Variants in SLC35F4 observed in about 807,000 individuals in gnomAD.
The protein encoded by SLC35F4 is solute carrier family 35 member F4.
Under a neutral mutation model 44.2 loss-of-function variants are expected in SLC35F4, and 24 were observed. The ratio of observed to expected loss-of-function variants is 0.54; its 90% CI spans 0.39 to 0.76. The LOEUF (loss-of-function observed/expected upper bound fraction) is 0.76, where lower values mean the gene tolerates loss of function less well. Ranked by LOEUF, SLC35F4 falls within the 30% of genes least tolerant of loss-of-function variation. The pLI, the probability that SLC35F4 is intolerant of heterozygous loss-of-function variation, is 0.00. For missense variants in SLC35F4, 562 were observed against 586.1 expected, an observed-to-expected ratio of 0.96 and a Z score of 0.42; for synonymous variants, 238 against 223.6, an observed-to-expected ratio of 1.06 and a Z score of -0.57.
chr14:57,578,216 A>T (rs2068939244), intron 4 of SLC35F4, among the ~76,000 whole-genome samples: 1 of 151,848 alleles, frequency 6.6e-6, no homozygotes, highest in Non-Finnish European at 1.5e-5. Context: ...TGGGGAGCTA[A>T]GCATATGAAA....
chr14:57,911,525 G>A (rs1889216473), intron 1 of SLC35F4, among the ~76,000 whole-genome samples: 3 of 151,988 alleles, frequency 2.0e-5, no homozygotes, highest in South Asian at 4.1e-4. Flanking sequence ...CTGCTTTTCT[G>A]CATCTATTGA....
rs1356481053 is a variant in SLC35F4, at chr14:57,865,992, G to A, written c.-167C>T. The A allele has an allele frequency of 1.5e-5, 4 of 266,416 alleles. No individual in the cohort carries two copies. The highest frequency in any genetic ancestry group is 1.2e-3 in the Middle Eastern group (1 of 858). The allele number at this position is 266,416 out of a possible 1,614,324, so 16.5% of individuals were successfully genotyped here. A position where few individuals can be genotyped will look rare whatever the true frequency, so the allele number is the denominator to read the frequency against. On this transcript the variant is annotated 5_prime_UTR_variant, in exon 1 of 8. Transcript: ENST00000556826. The stretch of plus-strand genomic sequence containing the variant: ...CGCAGCACCGGCTCCGCATCACAGC[G>A]GCGGCGGCGGCGGCGGCGGCGGAGC...
chr14:57,772,207 G>A (rs1473083346), intron 1 of SLC35F4, among the ~76,000 whole-genome samples: 1 of 152,154 alleles, frequency 6.6e-6, no homozygotes, highest in African/African-American at 2.4e-5. Flanking sequence ...GAGAAATTTT[G>A]CTCAAATTTT....
chr14:57,844,359 T>C (rs541229562), intron 1 of SLC35F4, among the ~76,000 whole-genome samples: 33 of 152,348 alleles, frequency 2.2e-4, no homozygotes, highest in African/African-American at 7.7e-4. Context: ...GGGGCAAGAC[T>C]GTAAGACCAA....
chr14:57,957,778 T>C (rs1268480738), intron 1 of SLC35F4, among the ~76,000 whole-genome samples: 1 of 152,216 alleles, frequency 6.6e-6, no homozygotes, highest in African/African-American at 2.4e-5. Flanking sequence ...CAGTGCAACC[T>C]GAGGCAAGTC....
At chr14:57,681,296 T>C (rs1421394262) in intron 1 of SLC35F4, among the ~76,000 whole-genome samples, 4 of 152,042 alleles carry the variant, frequency 2.6e-5, no homozygotes, top group African/African-American at 9.7e-5. Flanking sequence ...TAATAAATGG[T>C]GTTGGGAAAA....
intron 1 of SLC35F4, among the ~76,000 whole-genome samples, chr14:57,929,848 A>T (rs1484295607): frequency 1.3e-5 from 2 of 152,208 alleles, no homozygotes; most frequent in South Asian, 2.1e-4. Context: ...CCCAACACGC[A>T]TCTAGACCCT....
At chr14:57,932,265 A>T (rs766480296) in intron 1 of SLC35F4, among the ~76,000 whole-genome samples, 13 of 152,266 alleles carry the variant, frequency 8.5e-5, no homozygotes, top group Admixed American at 1.3e-4. Context: ...TTGTTCTCTG[A>T]TGGATTCTTC....
chr14:57,701,009 T>TA (rs1442476455), intron 1 of SLC35F4, among the ~76,000 whole-genome samples: 1 of 152,150 alleles, frequency 6.6e-6, no homozygotes, highest in African/African-American at 2.4e-5. Flanking sequence ...CTGTCTTTTT[T>TA]ATGTACCTAT....
At chr14:57,733,107 C>T (rs1355677501) in intron 1 of SLC35F4, among the ~76,000 whole-genome samples, 2 of 152,140 alleles carry the variant, frequency 1.3e-5, no homozygotes, top group Non-Finnish European at 2.9e-5. Context: ...AGGAGCTGTG[C>T]TGCTTTGCCT....
chr14:57,742,912 A>G (rs1159797998), intron 1 of SLC35F4, among the ~76,000 whole-genome samples: 1 of 152,246 alleles, frequency 6.6e-6, no homozygotes, highest in Non-Finnish European at 1.5e-5. Flanking sequence ...ACTCAGGATA[A>G]GAAACTCACT....
intron 1 of SLC35F4, among the ~76,000 whole-genome samples, chr14:57,714,803 C>T (rs1270974816): frequency 7.5e-6 from 1 of 133,222 alleles, no homozygotes; most frequent in Non-Finnish European, 1.6e-5. Context: ...GGTATAAGCC[C>T]AGAAGAGGAC....
intron 1 of SLC35F4, among the ~76,000 whole-genome samples, chr14:57,872,350 T>C (rs1165912390): frequency 1.3e-5 from 2 of 152,042 alleles, no homozygotes; most frequent in South Asian, 2.1e-4. Context: ...TTTTTTTTTT[T>C]AGTACCCAGC....
At chr14:57,608,461 A>G (rs566685058) in intron 1 of SLC35F4, among the ~76,000 whole-genome samples, 80 of 152,290 alleles carry the variant, frequency 5.3e-4, no homozygotes, top group African/African-American at 1.8e-3. Context: ...AATGCCAAAG[A>G]TTGCCAAAAA....
chr14:57,646,226 G>A (rs994841822), intron 1 of SLC35F4, among the ~76,000 whole-genome samples: 2 of 152,168 alleles, frequency 1.3e-5, no homozygotes, highest in African/African-American at 2.4e-5. Flanking sequence ...ACCTCTGGTA[G>A]AATTCGGCTG....
At chr14:57,697,728 T>C (rs1319375589) in intron 1 of SLC35F4, among the ~76,000 whole-genome samples, 7 of 151,732 alleles carry the variant, frequency 4.6e-5, no homozygotes, top group Admixed American at 4.6e-4. Context: ...AGAAAATTCA[T>C]GTAAGTAAAA....
chr14:57,677,405 G>T (rs1448111462), intron 1 of SLC35F4, among the ~76,000 whole-genome samples: 1 of 122,476 alleles, frequency 8.2e-6, no homozygotes, highest in African/African-American at 3.6e-5. Flanking sequence ...CAAAACTATT[G>T]AAAAAAAAAT....
At chr14:57,765,077 G>A (rs760513439) in intron 1 of SLC35F4, among the ~76,000 whole-genome samples, 2 of 152,196 alleles carry the variant, frequency 1.3e-5, no homozygotes, top group African/African-American at 4.8e-5. Context: ...CTATGTCCCC[G>A]AACTCAGGAA....
At chr14:57,856,153 T>C (rs1887062886) in intron 1 of SLC35F4, among the ~76,000 whole-genome samples, 1 of 151,816 alleles carries the variant, frequency 6.6e-6, no homozygotes, top group African/African-American at 2.4e-5. Flanking sequence ...ATTACAGGCA[T>C]GCACCACCAT....
Sources: allele counts gnomAD v4.1 joint callset (sites outside exome capture counted in the v4.1 genomes callset), GRCh38; gene constraint gnomAD v4.1.1; transcripts MANE v1.5; gene names NCBI Gene and HGNC (gene_info 2026-07-23, HGNC 2026-07-21).